The following TAF5L variants were observed in gnomAD, a reference collection of about 807,000 sequenced individuals.
TAF5L encodes TATA-box binding protein associated factor 5 like.
A neutral mutation model predicts 51.3 loss-of-function variants in TAF5L; 7 were observed. That is an observed-to-expected ratio of 0.14 (90% CI 0.08 to 0.26). TAF5L has a LOEUF of 0.26. Among genes scored for constraint, TAF5L ranks in the 10% least tolerant of loss-of-function variants. TAF5L has a pLI of 1.00. For synonymous variants in TAF5L, 291 were observed against 308.1 expected (o/e 0.94, Z 0.58); for missense variants, 575 against 758.9 (o/e 0.76, Z 2.85).
chr1:229,595,283 A>G (rs1664079494), intron 4 of TAF5L, among the ~76,000 whole-genome samples, 189 bp from the exon 5 acceptor site: 1 of 152,222 alleles, frequency 6.6e-6, no homozygotes, highest in Non-Finnish European at 1.5e-5. Flanking sequence ...TAACTGAATA[A>G]AAGTCTCTTA....
intron 1 of TAF5L, among the ~76,000 whole-genome samples, chr1:229,615,141 G>C (rs936405810): frequency 1.3e-5 from 2 of 152,158 alleles, no homozygotes; most frequent in African/African-American, 2.4e-5. Context: ...AGGCTGGAGT[G>C]CATTGGTGCG....
At chr1:229,614,086 A>T in intron 2 of TAF5L, 2 of 635,698 alleles carry the variant, frequency 3.1e-6, no homozygotes, top group Non-Finnish European at 5.6e-6. Flanking sequence ...AAAGTAACTG[A>T]GAAGTCCTGA....
chr1:229,610,156 T>A, exon 3 of TAF5L: 2 of 1,614,194 alleles, frequency 1.2e-6, no homozygotes, highest in South Asian at 2.2e-5. Context: ...TTGCTGGGGT[T>A]CTGCCTGGCA....
At chr1:229,615,686 G>C (rs1338989809) in intron 1 of TAF5L, among the ~76,000 whole-genome samples, 1 of 151,476 alleles carries the variant, frequency 6.6e-6, no homozygotes, top group South Asian at 2.1e-4. Flanking sequence ...GGAACCCCTA[G>C]TATTGCCATG....
intron 1 of TAF5L, among the ~76,000 whole-genome samples, chr1:229,624,998 T>G (rs1267786305): frequency 6.6e-6 from 1 of 152,196 alleles, no homozygotes; most frequent in Non-Finnish European, 1.5e-5. Context: ...GATTCCAATC[T>G]GCAAGGTCAG....
intron 1 of TAF5L, among the ~76,000 whole-genome samples, chr1:229,621,987 C>T (rs1444667816): frequency 2.0e-5 from 3 of 152,002 alleles, no homozygotes; most frequent in African/African-American, 7.3e-5. Flanking sequence ...AATGCCTGTT[C>T]GGGTGAGCAG....
rs773296641 is a variant in TAF5L, at chr1:229,602,818, C to T, written c.349G>A (p.Glu117Lys). 1.9e-6 allele frequency: 3 copies of T among 1,613,540 alleles called. No individual in the cohort carries two copies. Among genetic ancestry groups the T allele is most frequent in the Non-Finnish European group, 2.5e-6 (3 of 1,180,046 alleles). ...CCATGGAAGCGGCTGTAAAAACTTT[C>T]CACTGTGCTCTTCGGACTGTTTTGG... The change falls in exon 4 of 5, where the codon GAA becomes AAA. Residue 117 changes from glutamate (E) to lysine (K), a missense_variant. Glu to Lys is a moderately conservative substitution (Grantham distance 56, BLOSUM62 1). Around this residue, in one of 3 missense-constraint regions of TAF5L, gnomAD observed 380 missense variants for 443.7 expected, o/e 0.86. Transcript: ENST00000258281. This position sits in a 1 kb window ranked among gnomAD's most constrained non-coding sequence, Gnocchi z 4.6.
chr1:229,608,740 C>T (rs1034245130), intron 3 of TAF5L, among the ~76,000 whole-genome samples: 1 of 152,196 alleles, frequency 6.6e-6, no homozygotes, highest in Non-Finnish European at 1.5e-5. Context: ...GTGGCTTGTG[C>T]CTACAATCTC....
chr1:229,598,961 T>C (rs916238887), intron 4 of TAF5L, among the ~76,000 whole-genome samples: 1 of 152,184 alleles, frequency 6.6e-6, no homozygotes, highest in South Asian at 2.1e-4. Flanking sequence ...CCTCCCAAAG[T>C]GCTGAGATTA....
At chr1:229,608,563 T>C (rs2102754589) in intron 3 of TAF5L, among the ~76,000 whole-genome samples, 1 of 152,332 alleles carries the variant, frequency 6.6e-6, no homozygotes, top group South Asian at 2.1e-4. Flanking sequence ...ATCATTGGCA[T>C]TGGTTTCTGA....
intron 3 of TAF5L, among the ~76,000 whole-genome samples, chr1:229,605,122 A>ATG (rs1191584075): frequency 6.6e-6 from 1 of 150,528 alleles, no homozygotes; most frequent in African/African-American, 2.5e-5. Context: ...ATATATATAT[A>ATG]TATGTATTTT....
At chr1:229,605,065 G>C (rs1664534231) in intron 3 of TAF5L, among the ~76,000 whole-genome samples, 2 of 151,598 alleles carry the variant, frequency 1.3e-5, no homozygotes, top group Admixed American at 6.6e-5. Context: ...AGCCTATTGA[G>C]TAGCTACAGG....
At chr1:229,616,263 C>T (rs919364001) in intron 1 of TAF5L, among the ~76,000 whole-genome samples, 1 of 152,206 alleles carries the variant, frequency 6.6e-6, no homozygotes, top group African/African-American at 2.4e-5. Flanking sequence ...ACTTGCCTGC[C>T]TTGGCCTCTC....
At chr1:229,606,359 C>A in intron 3 of TAF5L, 2 of 940,156 alleles carry the variant, frequency 2.1e-6, no homozygotes, top group Non-Finnish European at 2.5e-6. Flanking sequence ...CAAACATATC[C>A]TCTGAAAGTA....
At chr1:229,614,944 A>G (rs1232208786) in intron 1 of TAF5L, among the ~76,000 whole-genome samples, 2 of 152,236 alleles carry the variant, frequency 1.3e-5, no homozygotes, top group Admixed American at 1.3e-4. Context: ...AAGACCACAG[A>G]AACTGGATAA....
exon 2 of TAF5L, chr1:229,614,345 T>C (rs773134847): frequency 6.2e-7 from 1 of 1,614,242 alleles, no homozygotes; most frequent in Non-Finnish European, 8.5e-7. Context: ...CATTACCTGT[T>C]AGATTGGCCG....
chr1:229,621,339 G>C (rs745880872), intron 1 of TAF5L, among the ~76,000 whole-genome samples: 2 of 152,144 alleles, frequency 1.3e-5, no homozygotes, highest in African/African-American at 2.4e-5. Context: ...CCAAAAGTTA[G>C]TATTTTGTTT....
chr1:229,620,956 ATGTG>A (rs60562331), intron 1 of TAF5L, among the ~76,000 whole-genome samples: 42,401 of 149,864 alleles, frequency 0.28, 6,091 homozygotes, highest in South Asian at 0.41. Context: ...TAAAACATTT[ATGTG>A]TGTGTGTGTG....
At chr1:229,613,909 C>A (rs1478333249) in intron 2 of TAF5L, among the ~76,000 whole-genome samples, 4 of 152,116 alleles carry the variant, frequency 2.6e-5, no homozygotes, top group African/African-American at 9.7e-5. Context: ...AACTACAGAT[C>A]CTGAAGTACC....
Sources: gnomAD v4.1 joint callset for allele counts (sites outside exome capture counted in the v4.1 genomes callset) on GRCh38, gnomAD v4.1.1 for gene constraint, gnomAD v4.1.1 regional missense constraint, Gnocchi (gnomAD v3.1) non-coding constraint, MANE v1.5 for transcripts, NCBI Gene and HGNC (gene_info 2026-07-23, HGNC 2026-07-21) for gene names.